The following HOXC5 variants were observed in gnomAD, a reference collection of about 807,000 sequenced individuals.
HOXC5 encodes the protein homeobox C5.
HOXC5 carries 19 observed loss-of-function variants against 20.1 expected under a neutral mutation model. The observed-to-expected ratio is 0.94, with a 90% CI of 0.66 to 1.38. The LOEUF is 1.38. Among genes scored for constraint, HOXC5 ranks in the 40% most tolerant of loss-of-function variants. The probability of loss-of-function intolerance (pLI) is 0.00; values close to 1 mark genes in which losing one functional copy is unlikely to be tolerated. For synonymous variants in HOXC5, 124 were observed against 117.0 expected (o/e 1.06, Z -0.39); for missense variants, 330 against 300.1 (o/e 1.10, Z -0.74).
the HOXC5 span, among the ~76,000 whole-genome samples, chr12:54,024,955 T>C: frequency 1.3e-5 from 2 of 152,228 alleles, no homozygotes; most frequent in Admixed American, 1.3e-4. Context: ...TCTTTTTCTG[T>C]GTTTTTTGAA....
Position 54,034,500 on chromosome 12 carries a change from G to C in HOXC5, c.*8G>C, listed in dbSNP as rs764275323. 6.2e-7 allele frequency: 1 copy of C among 1,610,396 alleles called. No individual in the cohort carries two copies. Among genetic ancestry groups the C allele is most frequent in the South Asian group, 1.1e-5 (1 of 90,936 alleles). ...AGCAAAGAGGCTCTTTAGAGGCAGC[G>C]GGGGAGGCCCGCAGAGCGCGCCCCT... On this transcript the variant is annotated 3_prime_UTR_variant, in exon 2 of 2. Transcript: ENST00000312492.
upstream of HOXC5, chr12:54,032,818 T>G (rs1941037346): frequency 7.5e-6 from 1 of 134,102 alleles, no homozygotes; most frequent in Non-Finnish European, 1.6e-5. Context: ...TCCCTCCCCC[T>G]TCCCTCTTTC....
At chr12:54,026,263 C>T in the HOXC5 span, among the ~76,000 whole-genome samples, 2 of 152,102 alleles carry the variant, frequency 1.3e-5, no homozygotes, top group African/African-American at 2.4e-5. Flanking sequence ...GCTCAGTCCC[C>T]AGAGTACTCC....
the HOXC5 span, among the ~76,000 whole-genome samples, chr12:54,026,939 C>T: frequency 7.1e-6 from 1 of 141,674 alleles, no homozygotes; most frequent in African/African-American, 2.7e-5. Flanking sequence ...CCAGCTTTCC[C>T]CCCCCCCAAC....
At chr12:54,030,238 C>T (rs1940931810), upstream of HOXC5, 2 of 299,712 alleles carry the variant, frequency 6.7e-6, no homozygotes, top group South Asian at 9.2e-5. Flanking sequence ...CTTGGGGGCT[C>T]GGACCCTGAA....
At chr12:54,018,309 C>T in the HOXC5 span, among the ~76,000 whole-genome samples, 1 of 152,234 alleles carries the variant, frequency 6.6e-6, no homozygotes, top group Non-Finnish European at 1.5e-5. Context: ...GCCCGCTCGC[C>T]ACGCATGGCT....
the HOXC5 span, among the ~76,000 whole-genome samples, chr12:54,019,075 C>T: frequency 6.6e-6 from 1 of 150,542 alleles, no homozygotes; most frequent in Non-Finnish European, 1.5e-5. Context: ...ACCCCCTTCC[C>T]TTCCTTTTCT....
the HOXC5 span, among the ~76,000 whole-genome samples, chr12:54,017,865 A>G: frequency 1.3e-5 from 2 of 150,986 alleles, no homozygotes; most frequent in African/African-American, 4.9e-5. Context: ...TAGCCCCCCA[A>G]CCCCCAAACA....
rs1941053593 is a variant in HOXC5 at position 54,033,168 on chromosome 12, A to T, written c.46A>T (p.Ile16Phe). Reference sequence around the variant, plus strand: ...TTCATTCTATAAGCAGAGCCCCAATATCCCTGCCTATAACATGCAAACTTG... The same window carrying T: ...TTCATTCTATAAGCAGAGCCCCAATTTCCCTGCCTATAACATGCAAACTTG... ...ANSFYKQSPN[I>F]PAYNMQTCGN... Residue 16 changes from isoleucine (I) to phenylalanine (F), a missense_variant, in exon 1 of 2, where the codon ATC becomes TTC. By Grantham distance (21) the Ile-to-Phe change is conservative. Transcript: ENST00000312492. 6.2e-7 allele frequency: 1 copy of T among 1,614,016 alleles called. No individual in the cohort carries two copies. The highest frequency in any genetic ancestry group is 1.3e-5 in the African/African-American group (1 of 74,914).
At chr12:54,032,996 A>T (rs1941044390), upstream of HOXC5, 1 of 723,926 alleles carries the variant, frequency 1.4e-6, no homozygotes, top group East Asian at 2.7e-5. Flanking sequence ...AGCGCATAGG[A>T]TAAAGAAAGA....
the HOXC5 span, chr12:54,017,483 G>C: frequency 6.6e-6 from 1 of 152,002 alleles, no homozygotes; most frequent in Admixed American, 6.5e-5. Context: ...TAGGACAGCA[G>C]CGGCTTCTCT....
At chr12:54,029,765 C>T, upstream of HOXC5, 1 of 1,614,092 alleles carries the variant, frequency 6.2e-7, no homozygotes, top group Non-Finnish European at 8.5e-7. Flanking sequence ...GCGGCGCCGG[C>T]GCATCGAGAT....
the HOXC5 span, among the ~76,000 whole-genome samples, chr12:54,018,556 C>T: frequency 6.6e-6 from 1 of 152,220 alleles, no homozygotes; most frequent in African/African-American, 2.4e-5. Flanking sequence ...TAGTCTTAAC[C>T]CGACGCATAT....
In HOXC5 at chr12:54,033,419, C is replaced by T. The variant is rs1941068818; in HGVS notation, c.297C>T (p.Tyr99=). ...DEAAPLNPGM[Y]SQKAARPALE... The stretch of plus-strand genomic sequence containing the variant: ...CGGCTCCTCTGAACCCCGGGATGTA[C>T]AGTCAGAAGGCGGCTCGCCCGGCGC... The change falls in exon 1 of 2, where the codon TAC becomes TAT. Residue 99 remains tyrosine (Y), a synonymous_variant. Coordinates refer to ENST00000312492, the MANE Select transcript of HOXC5 (RefSeq NM_018953.4). 1 of 1,608,748 alleles carries T rather than the reference C, an allele frequency of 6.2e-7. No homozygotes were observed. Among genetic ancestry groups the T allele is most frequent in the East Asian group, 2.2e-5 (1 of 44,704 alleles).
the HOXC5 span, among the ~76,000 whole-genome samples, chr12:54,027,216 G>A: frequency 6.6e-6 from 1 of 152,204 alleles, no homozygotes; most frequent in Non-Finnish European, 1.5e-5. Context: ...AATAAAATGG[G>A]CGTTGAGGTT....
chr12:54,034,004 G>T (rs1207818090), intron 1 of HOXC5: 2 of 638,614 alleles, frequency 3.1e-6, no homozygotes. Flanking sequence ...GGTGCTTATT[G>T]TTCGGTCCGA....
upstream of HOXC5, chr12:54,029,629 A>C: frequency 6.2e-7 from 1 of 1,602,984 alleles, no homozygotes; most frequent in Non-Finnish European, 8.5e-7. Flanking sequence ...GATTGCTTTT[A>C]GTGTGTTTTG....
chr12:54,029,645 G>T (rs1263258522), upstream of HOXC5: 5 of 1,608,428 alleles, frequency 3.1e-6, no homozygotes, highest in South Asian at 4.4e-5. Context: ...TTTTGTGCCC[G>T]GATCTTTAGG....
chr12:54,031,088 T>C (rs10876530), upstream of HOXC5, among the ~76,000 whole-genome samples: 60,373 of 152,174 alleles, frequency 0.4, 12,256 homozygotes, highest in East Asian at 0.63. Flanking sequence ...CGGGGGGAGC[T>C]GGGATCAGTC....
Sources: gnomAD v4.1 joint callset for allele counts (sites outside exome capture counted in the v4.1 genomes callset) on GRCh38, gnomAD v4.1.1 for gene constraint, MANE v1.5 for transcripts, NCBI Gene and HGNC (gene_info 2026-07-23, HGNC 2026-07-21) for gene names.